Variants in ERCC6 observed in about 807,000 individuals in gnomAD.
The protein encoded by ERCC6 is ERCC excision repair 6, chromatin remodeling factor.
Under a neutral mutation model 158.7 loss-of-function variants are expected in ERCC6, and 116 were observed. The ratio of observed to expected loss-of-function variants is 0.73; its 90% CI spans 0.63 to 0.85. The LOEUF is 0.85. ERCC6 is among the 40% of genes least tolerant of loss of function. The pLI is 0.00. For missense variants in ERCC6, 1,698 were observed against 1,799.4 expected, an observed-to-expected ratio of 0.94 and a Z score of 1.02; for synonymous variants, 678 against 659.3, an observed-to-expected ratio of 1.03 and a Z score of -0.43.
At position 49,517,154 on chromosome 10, in the gene ERCC6, T is replaced by C. The variant is rs766997147; in HGVS notation, c.1397+6879A>G. 13 of 1,539,406 alleles carry C rather than the reference T, an allele frequency of 8.4e-6. No homozygotes were observed. In the East Asian group the frequency reaches 1.4e-4, roughly 16 times the overall value. On this transcript the variant is annotated intron_variant, in intron 5 of 20. Transcript: ENST00000355832. ...GGAAAAAAGGTATTATTAGTCCTAGTGGTAGTGGTTTTGCCTAGTGTTCCA... is the reference window on the plus strand; with the variant it reads ...GGAAAAAAGGTATTATTAGTCCTAGCGGTAGTGGTTTTGCCTAGTGTTCCA...
Position 49,460,595 on chromosome 10 carries a change from TC to T in ERCC6, c.3984-145del, listed in dbSNP as rs1850564668. On this transcript the variant is annotated intron_variant, in intron 19 of 20. Transcript: ENST00000355832. ...TCACAGCCATGCCATTTCTGCTCTA[TC>T]CCCCTCGATTCTTCCACTCCACCCT... is the stretch of plus-strand genomic sequence containing the variant. 6 of 690,890 alleles carry T rather than the reference TC, an allele frequency of 8.7e-6. No homozygotes were observed. In the South Asian group the frequency reaches 9.7e-5, roughly 11 times the overall value. 42.8% of individuals were successfully genotyped at this position (690,890 alleles called of 1,614,324 possible).
At position 49,461,401 on chromosome 10, in the gene ERCC6, G is replaced by A. The variant is rs768832103; in HGVS notation, c.3934C>T (p.Pro1312Ser). 7 of 1,613,808 alleles carry A rather than the reference G, an allele frequency of 4.3e-6. No individual in the cohort carries two copies. Among genetic ancestry groups the A allele is most frequent in the African/African-American group, 2.7e-5 (2 of 74,892 alleles). ...QRCLGAVSGV[P>S]TWTGHRGISG... ...ATCCCCCTGTGGCCAGTCCAGGTGG[G>A]AACACCAGACACTGCTCCCAGACAC... Residue 1312 changes from proline (P) to serine (S), a missense_variant, in exon 19 of 21, where the codon CCC becomes TCC. Transcript: ENST00000355832.
the ERCC6 span, among the ~76,000 whole-genome samples, chr10:49,446,595 C>G: frequency 7.9e-5 from 12 of 152,156 alleles, 1 homozygote; most frequent in South Asian, 1.9e-3. Context: ...GGTGACACAG[C>G]GAGACTCTGT....
chr10:49,509,890 G>C (rs965082081), intron 5 of ERCC6, among the ~76,000 whole-genome samples: 2 of 152,142 alleles, frequency 1.3e-5, no homozygotes, highest in Non-Finnish European at 2.9e-5. Context: ...CACAGCTGCA[G>C]CCACATAAAA....
chr10:49,466,749 G>A (rs769601606), intron 18 of ERCC6, among the ~76,000 whole-genome samples: 1 of 152,190 alleles, frequency 6.6e-6, no homozygotes, highest in Non-Finnish European at 1.5e-5. Flanking sequence ...CATCCATGCT[G>A]TAGCATGTAT....
chr10:49,479,232 A>G (rs1850933928), intron 10 of ERCC6, among the ~76,000 whole-genome samples: 1 of 152,210 alleles, frequency 6.6e-6, no homozygotes, highest in Non-Finnish European at 1.5e-5. Flanking sequence ...TTAGTAAATT[A>G]CTATTTCATG....
intron 7 of ERCC6, 76 bp downstream of exon 7, chr10:49,500,462 C>T: frequency 6.8e-7 from 1 of 1,476,686 alleles, no homozygotes; most frequent in Non-Finnish European, 9.4e-7. Flanking sequence ...ATTCACAAGA[C>T]CCTCCTCCAC....
At chr10:49,473,640 A>T (rs1477790603) in intron 13 of ERCC6, 53 bp from the exon 14 acceptor site, 1 of 977,166 alleles carries the variant, frequency 1.0e-6, no homozygotes, top group Admixed American at 1.7e-5. Flanking sequence ...ATTCCCAGTG[A>T]GTGCTTCTCT....
At chr10:49,515,606 T>C (rs1355834838) in intron 5 of ERCC6, 2 of 1,613,982 alleles carry the variant, frequency 1.2e-6, no homozygotes, top group African/African-American at 1.3e-5. Flanking sequence ...CATCATATGT[T>C]TTATGCAATT....
At chr10:49,476,111 G>T in intron 12 of ERCC6, 104 bp downstream of exon 12, 1 of 814,894 alleles carries the variant, frequency 1.2e-6, no homozygotes, top group East Asian at 2.6e-5. Flanking sequence ...GAAGTGAGAT[G>T]ACAGTACGTG....
chr10:49,528,436 G>A lies in ERCC6; in HGVS notation c.633C>T (p.Ala211=), dbSNP rs1245482614. 3 of 1,614,044 alleles carry A rather than the reference G, an allele frequency of 1.9e-6. No individual in the cohort carries two copies. The highest frequency in any genetic ancestry group is 4.5e-5 in the East Asian group (2 of 44,896). Residue 211 remains alanine (A), a synonymous_variant, in exon 4 of 21, where the codon GCC becomes GCT. Transcript: ENST00000355832. ...GAEVKIELDH[A]SLEEDAEPGP... ...CCTCACCTGCATCCTCCTCCAGACT[G>A]GCGTGATCTAGTTCAATTTTCACCT... is the stretch of plus-strand genomic sequence containing the variant.
chr10:49,535,082 GA>G (rs1837566535), intron 1 of ERCC6, among the ~76,000 whole-genome samples: 1 of 152,188 alleles, frequency 6.6e-6, no homozygotes, highest in African/African-American at 2.4e-5. Flanking sequence ...TGCATGGTCT[GA>G]TATATAGGAG....
rs1851011412 is a variant in ERCC6, at chr10:49,483,251, AAG to A, written c.1992+93_1992+94del. On this transcript the variant is annotated intron_variant, in intron 9 of 20. Transcript: ENST00000355832. ...ATTTCTTGTGCAGTTGGCACAAGGA[AAG>A]ATTCAATAAATGTGTTACTAAAAGC... The A allele has an allele frequency of 5.4e-6, 7 of 1,299,828 alleles. No individual in the cohort carries two copies. The African/African-American group carries it at 5.8e-5, about 11-fold the overall frequency. The allele number at this position is 1,299,828 out of a possible 1,614,324, so 80.5% of individuals were successfully genotyped here. A position where few individuals can be genotyped will look rare whatever the true frequency, so the allele number is the denominator to read the frequency against.
At chr10:49,511,588 C>T (rs1836819451) in intron 5 of ERCC6, among the ~76,000 whole-genome samples, 1 of 152,116 alleles carries the variant, frequency 6.6e-6, no homozygotes, top group Admixed American at 6.6e-5. Flanking sequence ...CCATGTCCGG[C>T]TAAGTTTTGT....
chr10:49,485,932 G>A (rs1851069560), intron 8 of ERCC6, among the ~76,000 whole-genome samples: 1 of 152,126 alleles, frequency 6.6e-6, no homozygotes, highest in Non-Finnish European at 1.5e-5. Context: ...CTGTTTAAAA[G>A]AGACCCAAAC....
downstream of ERCC6, among the ~76,000 whole-genome samples, chr10:49,449,809 C>A (rs1027186878): frequency 6.6e-6 from 1 of 152,040 alleles, no homozygotes; most frequent in African/African-American, 2.4e-5. Flanking sequence ...CTCAGCCTCC[C>A]AAAGTGTTAG....
At chr10:49,537,276 G>A (rs1262580117) in intron 1 of ERCC6, among the ~76,000 whole-genome samples, 2 of 151,280 alleles carry the variant, frequency 1.3e-5, no homozygotes, top group East Asian at 2.0e-4. Context: ...CCCAGGAGGC[G>A]GAGGCCGCAG....
intron 1 of ERCC6, among the ~76,000 whole-genome samples, chr10:49,533,775 C>T (rs1837528564): frequency 6.6e-6 from 1 of 152,032 alleles, no homozygotes; most frequent in Non-Finnish European, 1.5e-5. Context: ...TGCACTCTAG[C>T]CTGGGCAAAA....
intron 5 of ERCC6, chr10:49,516,975 CCTT>C (rs756881893): frequency 5.6e-6 from 9 of 1,613,946 alleles, no homozygotes; most frequent in Admixed American, 5.0e-5. Flanking sequence ...TATTGTTCCA[CCTT>C]CTTCATCTCC....
Sources: allele counts gnomAD v4.1 joint callset (sites outside exome capture counted in the v4.1 genomes callset), GRCh38; gene constraint gnomAD v4.1.1; transcripts MANE v1.5; gene names NCBI Gene and HGNC (gene_info 2026-07-23, HGNC 2026-07-21).